FAM117B: variants seen among roughly 807,000 people sequenced by gnomAD.
The protein encoded by FAM117B is protein FAM117B.
FAM117B carries 22 observed loss-of-function variants against 52.8 expected under a neutral mutation model. The observed-to-expected ratio is 0.42, with a 90% CI of 0.30 to 0.59. FAM117B has a LOEUF of 0.59. FAM117B is among the 20% of genes least tolerant of loss of function. The pLI is 0.22. For synonymous variants in FAM117B, 309 were observed against 324.1 expected, an observed-to-expected ratio of 0.95 and a Z score of 0.50; for missense variants, 678 against 802.6, an observed-to-expected ratio of 0.84 and a Z score of 1.88.
chr2:202,644,938 C>T (rs1258953637), intron 1 of FAM117B, among the ~76,000 whole-genome samples: 1 of 151,858 alleles, frequency 6.6e-6, no homozygotes, highest in Non-Finnish European at 1.5e-5. Flanking sequence ...ACTCTGTGGG[C>T]TTTTTCAGTC....
intron 2 of FAM117B, among the ~76,000 whole-genome samples, chr2:202,696,854 A>AC (rs1225097285): frequency 6.6e-6 from 1 of 152,102 alleles, no homozygotes; most frequent in Non-Finnish European, 1.5e-5. Context: ...TGGCTTTTGA[A>AC]CCCAGGAGTT....
At position 202,726,338 on chromosome 2, in the gene FAM117B, A is replaced by G. The variant is rs1450693425; in HGVS notation, c.935A>G (p.Asn312Ser). ...GAAAGACAGTCTCCATTTCATGGCAACCATGCAGCTATTAACCAGTGTCAG... is the reference window on the plus strand; with the variant it reads ...GAAAGACAGTCTCCATTTCATGGCAGCCATGCAGCTATTAACCAGTGTCAG... ...DKERQSPFHG[N>S]HAAINQCQAP... The change falls in exon 4 of 8, where the codon AAC becomes AGC. Residue 312 changes from asparagine (N) to serine (S), a missense_variant. Asn to Ser is a conservative substitution (Grantham distance 46). Transcript: ENST00000392238. 3 of 1,613,696 alleles carry G rather than the reference A, an allele frequency of 1.9e-6. No homozygotes were observed. Among genetic ancestry groups the G allele is most frequent in the Non-Finnish European group, 1.7e-6 (2 of 1,179,822 alleles).
chr2:202,677,672 C>T (rs939385863), intron 1 of FAM117B, among the ~76,000 whole-genome samples: 4 of 152,192 alleles, frequency 2.6e-5, no homozygotes, highest in Non-Finnish European at 1.5e-5. Flanking sequence ...TCCATCCTCA[C>T]TTTCTTAATC....
chr2:202,660,249 A>G (rs1690109198), intron 1 of FAM117B, among the ~76,000 whole-genome samples: 1 of 151,648 alleles, frequency 6.6e-6, no homozygotes, highest in Admixed American at 6.6e-5. Flanking sequence ...TTGTTTGTAC[A>G]TTTTGAATAT....
chr2:202,635,735 A>G lies in FAM117B; in HGVS notation c.548A>G (p.Gln183Arg), dbSNP rs1454554088. The change falls in exon 1 of 8, where the codon CAG becomes CGG. Residue 183 changes from glutamine to arginine, a missense_variant. This residue lies in a region of FAM117B where 583 missense variants were observed against 644.8 expected (regional missense o/e 0.90). Coordinates refer to ENST00000392238, the MANE Select transcript of FAM117B (RefSeq NM_173511.4). ...CGGCATCGGAGGAGGTCTCCGGAGC[A>G]GAGCCGAAGCTCGCCGGAGAAGAGG... ...RVRHRRRSPE[Q>R]SRSSPEKRSP... 1 of 1,457,946 alleles carries G rather than the reference A, an allele frequency of 6.9e-7. No individual in the cohort carries two copies. Among genetic ancestry groups the G allele is most frequent in the Non-Finnish European group, 9.0e-7 (1 of 1,108,262 alleles). The allele number at this position is 1,457,946 out of a possible 1,614,324, so 90.3% of individuals were successfully genotyped here.
Position 202,635,271 on chromosome 2 carries a change from C to A in FAM117B, c.84C>A (p.Pro28=). ...GGGAVATAGG[P]GSRLQPMRAT... ...GTGCGGTGGCCACGGCCGGGGGACC[C>A]GGGAGCCGCTTGCAGCCCATGAGGG... Residue 28 remains proline, a synonymous_variant, in exon 1 of 8, where the codon CCC becomes CCA. Transcript: ENST00000392238. The A allele has an allele frequency of 7.2e-7, 1 of 1,393,532 alleles. No individual in the cohort carries two copies. The allele number at this position is 1,393,532 out of a possible 1,614,324, so 86.3% of individuals were successfully genotyped here.
chr2:202,698,021 C>T (rs1172780096), intron 2 of FAM117B, among the ~76,000 whole-genome samples: 1 of 152,116 alleles, frequency 6.6e-6, no homozygotes, highest in Admixed American at 6.5e-5. Flanking sequence ...AGGCACATGT[C>T]ACTACGCCCA....
Position 202,755,587 on chromosome 2 carries a change from C to T in FAM117B, c.1010C>T (p.Ser337Leu). The change falls in exon 5 of 8, where the codon TCA becomes TTA. Residue 337 changes from serine to leucine, a missense_variant. Transcript: ENST00000392238. Reference protein sequence around the residue: ...ALIPVIPITKSTGSRFRNSVE... With the variant: ...ALIPVIPITKLTGSRFRNSVE... The stretch of plus-strand genomic sequence containing the variant: ...ATTCCTGTAATTCCCATCACCAAAT[C>T]AACAGGCTCCCGGTTCCGGAATAGC... 6.2e-7 allele frequency: 1 copy of T among 1,614,144 alleles called. No homozygotes were observed. Among genetic ancestry groups the T allele is most frequent in the South Asian group, 1.1e-5 (1 of 91,064 alleles).
chr2:202,694,707 G>A (rs928625906), intron 1 of FAM117B, among the ~76,000 whole-genome samples: 1 of 152,024 alleles, frequency 6.6e-6, no homozygotes, highest in African/African-American at 2.4e-5. Context: ...CACTTGATTT[G>A]GTTTATGCAT....
At chr2:202,686,507 G>A (rs764251556) in intron 1 of FAM117B, among the ~76,000 whole-genome samples, 2 of 152,164 alleles carry the variant, frequency 1.3e-5, no homozygotes, top group Non-Finnish European at 2.9e-5. Context: ...GAAGCAATCC[G>A]CGCCCATCGG....
In FAM117B at chr2:202,648,096, T is replaced by C. The variant is rs537318400; in HGVS notation, c.601+12308T>C. Reference sequence around the variant, plus strand: ...AATAATGTGCACATGATAAAAATTATAAATGGTAAGGAGAATACAGTCAGC... The same window carrying C: ...AATAATGTGCACATGATAAAAATTACAAATGGTAAGGAGAATACAGTCAGC... On this transcript the variant is annotated intron_variant, in intron 1 of 7. Coordinates refer to ENST00000392238, the MANE Select transcript of FAM117B (RefSeq NM_173511.4). Among the ~76,000 whole-genome samples the C allele has an allele frequency of 5.3e-5, 8 of 152,300 alleles. No individual in the cohort carries two copies. In the South Asian group the frequency reaches 1.4e-3, roughly 28 times the overall value.
At chr2:202,713,934 C>G (rs958436926) in intron 2 of FAM117B, among the ~76,000 whole-genome samples, 2 of 152,138 alleles carry the variant, frequency 1.3e-5, no homozygotes, top group African/African-American at 4.8e-5. Context: ...CTCAAACTCT[C>G]AACTTCAGGT....
chr2:202,758,406 A>G (rs1431677923), intron 6 of FAM117B, among the ~76,000 whole-genome samples: 1 of 152,348 alleles, frequency 6.6e-6, no homozygotes, highest in Admixed American at 6.5e-5. Flanking sequence ...TTCTACGTCA[A>G]TAACATGTAG....
chr2:202,646,297 C>T (rs556666553), intron 1 of FAM117B, among the ~76,000 whole-genome samples: 7 of 152,336 alleles, frequency 4.6e-5, no homozygotes, highest in Middle Eastern at 3.4e-3. Context: ...AAGCGTGAGC[C>T]GCTTGGCCTG....
At chr2:202,662,559 T>C (rs1000453275) in intron 1 of FAM117B, among the ~76,000 whole-genome samples, 1 of 152,140 alleles carries the variant, frequency 6.6e-6, no homozygotes, top group Non-Finnish European at 1.5e-5. Flanking sequence ...ATGATAAATG[T>C]TGGCTGGGTG....
chr2:202,757,250 C>A lies in FAM117B; in HGVS notation c.1142C>A (p.Pro381His). ...CCAGATGGCCATCGTGCTCCACCCCCCCTTGTACAGAGAAGTAGCAGCACG... is the reference window on the plus strand; with the variant it reads ...CCAGATGGCCATCGTGCTCCACCCCACCTTGTACAGAGAAGTAGCAGCACG... ...DIPDGHRAPP[P>H]LVQRSSSTRS... Residue 381 changes from proline (P) to histidine (H), a missense_variant, in exon 6 of 8, where the codon CCC becomes CAC. Pro to His is a moderately conservative substitution (Grantham distance 77). Around this residue, in one of 3 missense-constraint regions of FAM117B, gnomAD observed 583 missense variants for 644.8 expected, o/e 0.90. Transcript: ENST00000392238. 1 of 1,614,126 alleles carries A rather than the reference C, an allele frequency of 6.2e-7. No individual in the cohort carries two copies. The highest frequency in any genetic ancestry group is 8.5e-7 in the Non-Finnish European group (1 of 1,180,016).
chr2:202,749,042 A>C (rs769641332), intron 4 of FAM117B, among the ~76,000 whole-genome samples: 1 of 152,146 alleles, frequency 6.6e-6, no homozygotes, highest in African/African-American at 2.4e-5. Context: ...GAAACTTAGC[A>C]AAGGTTTAGA....
intron 2 of FAM117B, among the ~76,000 whole-genome samples, chr2:202,699,834 G>A (rs1690770629): frequency 6.6e-6 from 1 of 152,174 alleles, no homozygotes; most frequent in Non-Finnish European, 1.5e-5. Flanking sequence ...CCCTGAGCAA[G>A]TCTGTAGGTG....
At chr2:202,764,362 C>T (rs552373752) in intron 7 of FAM117B, among the ~76,000 whole-genome samples, 2 of 152,040 alleles carry the variant, frequency 1.3e-5, no homozygotes, top group South Asian at 4.2e-4. Context: ...CCTCCCAGGG[C>T]CAAGCTATCC....
Sources: allele counts gnomAD v4.1 joint callset (sites outside exome capture counted in the v4.1 genomes callset), GRCh38; gene constraint gnomAD v4.1.1; regional missense constraint gnomAD v4.1.1; transcripts MANE v1.5; gene names NCBI Gene and HGNC (gene_info 2026-07-23, HGNC 2026-07-21).